AASS: variants seen among roughly 807,000 people sequenced by gnomAD.
The protein encoded by AASS is aminoadipate-semialdehyde synthase, also known as alpha-aminoadipic semialdehyde synthase, mitochondrial.
Under a neutral mutation model 105.4 loss-of-function variants are expected in AASS, and 86 were observed. The observed-to-expected ratio is 0.82, with a 90% confidence interval of 0.69 to 0.98. AASS has a LOEUF of 0.98. Among genes scored for constraint, AASS ranks in the 50% least tolerant of loss-of-function variants. The probability of loss-of-function intolerance (pLI) is 0.00; values close to 1 mark genes in which losing one functional copy is unlikely to be tolerated. For synonymous variants in AASS, 381 were observed against 394.8 expected, an observed-to-expected ratio of 0.96 and a Z score of 0.41; for missense variants, 1,048 against 1,143.2, an observed-to-expected ratio of 0.92 and a Z score of 1.20.
At chr7:122,100,929 C>A (rs1204029838) in intron 13 of AASS, among the ~76,000 whole-genome samples, 1 of 151,798 alleles carries the variant, frequency 6.6e-6, no homozygotes, top group Non-Finnish European at 1.5e-5. Context: ...TAATTTGTAA[C>A]CACGAATTCA....
intron 11 of AASS, among the ~76,000 whole-genome samples, chr7:122,110,798 A>G (rs562603658): frequency 1.3e-5 from 2 of 151,980 alleles, no homozygotes; most frequent in Admixed American, 1.3e-4. Flanking sequence ...CCACAACCCC[A>G]AATGTCTACC....
At chr7:122,100,943 C>G (rs546723016) in intron 13 of AASS, among the ~76,000 whole-genome samples, 1 of 151,952 alleles carries the variant, frequency 6.6e-6, no homozygotes, top group East Asian at 1.9e-4. Context: ...GAATTCACTT[C>G]CCTGAACATT....
chr7:122,136,796 A>G (rs931719959), intron 1 of AASS, among the ~76,000 whole-genome samples: 1 of 152,176 alleles, frequency 6.6e-6, no homozygotes, highest in Non-Finnish European at 1.5e-5. Flanking sequence ...AGATAATTTA[A>G]TCCCTCCCCT....
rs770967736 is a variant in AASS at position 122,076,541 on chromosome 7, C to G, written c.2729G>C (p.Arg910Pro). The G allele has an allele frequency of 1.8e-5, 29 of 1,613,726 alleles. No homozygotes were observed. The highest frequency in any genetic ancestry group is 2.3e-5 in the Non-Finnish European group (27 of 1,179,814). ...ATATATAATGCCTTCTGCTTTAATT[C>G]GCTCCAATATTGGTCCATAGATCTC... ...SKEIYGPILE[R>P]IKAEGIIYTT... Residue 910 changes from arginine (R) to proline (P), a missense_variant, in exon 24 of 24, where the codon CGA becomes CCA. Arg to Pro is a moderately radical substitution (Grantham distance 103). Transcript: ENST00000417368.
intron 4 of AASS, among the ~76,000 whole-genome samples, chr7:122,123,707 C>A (rs1795533644): frequency 6.6e-6 from 1 of 152,170 alleles, no homozygotes; most frequent in African/African-American, 2.4e-5. Context: ...TGAAGGGTCA[C>A]CTTAGAAATG....
intron 11 of AASS, among the ~76,000 whole-genome samples, chr7:122,106,251 T>C (rs1255892977): frequency 6.6e-5 from 10 of 152,032 alleles, no homozygotes; most frequent in African/African-American, 2.4e-4. Context: ...AATACTATGT[T>C]GGATGCAAGT....
At chr7:122,130,212 G>A (rs1001809027) in intron 2 of AASS, among the ~76,000 whole-genome samples, 3 of 151,916 alleles carry the variant, frequency 2.0e-5, no homozygotes, top group Admixed American at 6.6e-5. Context: ...TGAAAGGTAG[G>A]ATACCAAAGA....
At chr7:122,124,066 C>A (rs1170232397) in intron 4 of AASS, among the ~76,000 whole-genome samples, 1 of 152,144 alleles carries the variant, frequency 6.6e-6, no homozygotes, top group Admixed American at 6.6e-5. Flanking sequence ...ATAGTTATTT[C>A]CATATACACT....
In AASS at chr7:122,133,750, A is replaced by G; in HGVS notation, c.-15-9T>C. 6.2e-7 allele frequency: 1 copy of G among 1,612,142 alleles called. No individual in the cohort carries two copies. Among genetic ancestry groups the G allele is most frequent in the South Asian group, 1.1e-5 (1 of 91,052 alleles). ...ATCTTGACACCTGGTGACTGTAAAG[A>G]CAATGTAAAGAGCAGAGCAACAAAA... On this transcript the variant is annotated splice_polypyrimidine_tract_variant and intron_variant, in intron 1 of 23. Coordinates refer to ENST00000417368, the MANE Select transcript of AASS (RefSeq NM_005763.4).
rs146607857 is a variant in AASS at position 122,091,711 on chromosome 7, C to T, written c.2008G>A (p.Asp670Asn). 5.5e-5 allele frequency: 88 copies of T among 1,613,252 alleles called. No homozygotes were observed. Among genetic ancestry groups the T allele is most frequent in the East Asian group, 1.1e-4 (5 of 44,846 alleles). The change falls in exon 18 of 24, where the codon GAT (aspartate) becomes AAT (asparagine). Residue 670 changes from aspartate to asparagine, a missense_variant. Physicochemically the swap from Asp to Asn is conservative, Grantham distance 23 (BLOSUM62 1). Coordinates refer to ENST00000417368, the MANE Select transcript of AASS (RefSeq NM_005763.4). ...TGGATAAGATTCCTCACCTTTCCAT[C>T]GAGCAGATAGGTGGCAGACTGCATT... Reference protein sequence around the residue: ...NVMQSATYLLDGKVVNVAGGI... With the variant: ...NVMQSATYLLNGKVVNVAGGI...
At position 122,115,231 on chromosome 7, in the gene AASS, C is replaced by A; in HGVS notation, c.895-9G>T. 6.2e-7 allele frequency: 1 copy of A among 1,613,938 alleles called. No homozygotes were observed. Reference sequence around the variant, plus strand: ...GTTGTATAGGGTGCAATCTGTAATGCAAGTTCCAGGTTCAAGAAAATAGAA... The same window carrying A: ...GTTGTATAGGGTGCAATCTGTAATGAAAGTTCCAGGTTCAAGAAAATAGAA... On this transcript the variant is annotated splice_polypyrimidine_tract_variant and intron_variant, in intron 8 of 23. Coordinates refer to ENST00000417368, the MANE Select transcript of AASS (RefSeq NM_005763.4).
Position 122,078,895 on chromosome 7 carries a change from G to A in AASS, c.2452C>T (p.Leu818Phe). The A allele has an allele frequency of 1.9e-6, 3 of 1,614,032 alleles. No individual in the cohort carries two copies. The highest frequency in any genetic ancestry group is 2.2e-5 in the East Asian group (1 of 44,850). ...VPQAESILDA[L>F]SKHLVMKLSY... ...AGCTTCATGACCAAATGCTTGGAGA[G>A]GGCATCCAGAATGGACTCTGCCTGA... Residue 818 changes from leucine (L) to phenylalanine (F), a missense_variant, in exon 22 of 24, where the codon CTC becomes TTC. Physicochemically the swap from Leu to Phe is conservative, Grantham distance 22. Transcript: ENST00000417368.
At chr7:122,108,614 A>G (rs1206669645) in intron 11 of AASS, among the ~76,000 whole-genome samples, 1 of 152,140 alleles carries the variant, frequency 6.6e-6, no homozygotes, top group Non-Finnish European at 1.5e-5. Flanking sequence ...TATTTGACAA[A>G]TTCAACATCA....
At chr7:122,128,263 C>T (rs1795746464) in intron 3 of AASS, among the ~76,000 whole-genome samples, 1 of 152,170 alleles carries the variant, frequency 6.6e-6, no homozygotes, top group Admixed American at 6.5e-5. Flanking sequence ...TAATGTTGCT[C>T]TCCTCCTCCC....
intron 1 of AASS, 170 bp from the exon 2 acceptor site, chr7:122,133,911 G>T: frequency 1.5e-6 from 1 of 647,944 alleles, no homozygotes; most frequent in Non-Finnish European, 2.7e-6. Context: ...TTAAAGCCAA[G>T]TTTTCAAAAA....
intron 18 of AASS, among the ~76,000 whole-genome samples, chr7:122,089,062 C>T (rs1462650021): frequency 6.6e-6 from 1 of 151,936 alleles, no homozygotes; most frequent in Non-Finnish European, 1.5e-5. Flanking sequence ...CAAATTCAAG[C>T]AGAAGTCAGA....
intron 18 of AASS, among the ~76,000 whole-genome samples, chr7:122,088,016 A>G (rs969865887): frequency 6.6e-6 from 1 of 152,168 alleles, no homozygotes; most frequent in Non-Finnish European, 1.5e-5. Flanking sequence ...ATTCATTCGT[A>G]GTTGTATTTC....
intron 18 of AASS, among the ~76,000 whole-genome samples, chr7:122,090,253 T>G (rs1245463968): frequency 6.6e-6 from 1 of 152,160 alleles, no homozygotes; most frequent in Non-Finnish European, 1.5e-5. Context: ...GTGTCCTGCT[T>G]GTTTAGTACT....
intron 17 of AASS, among the ~76,000 whole-genome samples, 192 bp downstream of exon 17, chr7:122,092,651 G>A (rs992135808): frequency 3.3e-5 from 5 of 151,892 alleles, no homozygotes; most frequent in Non-Finnish European, 2.9e-5. Context: ...TTGAACCTGG[G>A]AGATGGAGGT....
Sources: gnomAD v4.1 joint callset for allele counts (sites outside exome capture counted in the v4.1 genomes callset) on GRCh38, gnomAD v4.1.1 for gene constraint, MANE v1.5 for transcripts, NCBI Gene and HGNC (gene_info 2026-07-23, HGNC 2026-07-21) for gene names.